MKI67: variants seen among roughly 807,000 people sequenced by gnomAD.
MKI67 encodes the protein proliferation marker protein Ki-67.
In MKI67, 152 loss-of-function variants were observed where a neutral mutation model predicts 233.5. The ratio of observed to expected loss-of-function variants is 0.65; its 90% confidence interval spans 0.57 to 0.74. The LOEUF (loss-of-function observed/expected upper bound fraction) is 0.74, where lower values mean the gene tolerates loss of function less well. MKI67 is among the 30% of genes least tolerant of loss of function. The pLI is 0.00. For missense variants in MKI67, 3,940 were observed against 3,885.2 expected (o/e 1.01, Z -0.37); for synonymous variants, 1,465 against 1,418.5 (o/e 1.03, Z -0.74).
chr10:128,105,912 G>T lies in MKI67; in HGVS notation c.5928C>A (p.Ile1976=). 6.2e-7 allele frequency: 1 copy of T among 1,612,582 alleles called. No individual in the cohort carries two copies. The highest frequency in any genetic ancestry group is 1.7e-5 in the Admixed American group (1 of 59,894). ...GTGGAGATTTGCAGGATACTTCTGT[G>T]ATTTTGTCATCGGTCATTGATTCCT... ...HTEESMTDDK[I]TEVSCKSPQP... Residue 1976 remains isoleucine (I), a synonymous_variant, in exon 13 of 15, where the codon ATC becomes ATA. Coordinates refer to ENST00000368654, the MANE Select transcript of MKI67 (RefSeq NM_002417.5).
rs747418612 is a variant in MKI67, at chr10:128,102,682, C to T, written c.9158G>A (p.Arg3053Lys). Residue 3053 changes from arginine (R) to lysine (K), a missense_variant, in exon 13 of 15, where the codon AGG (arginine) becomes AAG (lysine). Coordinates refer to ENST00000368654, the MANE Select transcript of MKI67 (RefSeq NM_002417.5). The stretch of plus-strand genomic sequence containing the variant: ...AGGTTCAATTCTTTTTGCAGAAGTC[C>T]TCAAACTTCTCTTCATGATGACCAC... Reference protein sequence around the residue: ...EPVVIMKRSLRTSAKRIEPAE... With the variant: ...EPVVIMKRSLKTSAKRIEPAE... 1.9e-6 allele frequency: 3 copies of T among 1,614,196 alleles called. No individual in the cohort carries two copies. Among genetic ancestry groups the T allele is most frequent in the Non-Finnish European group, 1.7e-6 (2 of 1,180,044 alleles).
In MKI67 at chr10:128,105,044, T is replaced by C. The variant is rs750789642; in HGVS notation, c.6796A>G (p.Met2266Val). ...CCTCCTGCTGGTTTGGGTGTGTCCA[T>C]AGCTTTCCCTACTGATGGTGTTCGT... ...RKRTPSVGKA[M>V]DTPKPAGGDE... The change falls in exon 13 of 15, where the codon ATG becomes GTG. Residue 2266 changes from methionine (M) to valine (V), a missense_variant. Coordinates refer to ENST00000368654, the MANE Select transcript of MKI67 (RefSeq NM_002417.5). The C allele has an allele frequency of 2.5e-6, 4 of 1,613,672 alleles. No individual in the cohort carries two copies. In the African/African-American group the frequency reaches 4.0e-5, roughly 16 times the overall value.
rs1331706611 is a variant in MKI67 at position 128,108,150 on chromosome 10, G to C, written c.3690C>G (p.Leu1230=). The part of the protein sequence containing the change: ...ALEDLAGFKE[L]FQTPGHTEEL... ...CCTCGGTGTGACCAGGAGTCTGGAA[G>C]AGCTCTTTAAAGCCAGCCAGGTCTT... Residue 1230 remains leucine (L), a synonymous_variant, in exon 13 of 15, where the codon CTC becomes CTG. Coordinates refer to ENST00000368654, the MANE Select transcript of MKI67 (RefSeq NM_002417.5). The C allele has an allele frequency of 1.2e-6, 2 of 1,613,488 alleles. No homozygotes were observed. The highest frequency in any genetic ancestry group is 3.3e-5 in the Admixed American group (2 of 59,950).
chr10:128,097,097 C>G lies in MKI67; in HGVS notation c.*2093G>C, dbSNP rs1050793. 0.32 allele frequency: 48,652 copies of G among 151,948 alleles called. 8,031 individuals carry two copies. The highest frequency in any genetic ancestry group is 0.43 in the East Asian group (2,206 of 5,154). 9.4% of individuals were successfully genotyped at this position (151,948 alleles called of 1,614,324 possible). On this transcript the variant is annotated 3_prime_UTR_variant, in exon 15 of 15. Coordinates refer to ENST00000368654, the MANE Select transcript of MKI67 (RefSeq NM_002417.5). ...CCAAGAGAGGCTGGGGGACCAGATC[C>G]CACAGGCCCTGGGAGGCGAAAAAGT...
Position 128,104,326 on chromosome 10 carries a change from G to A in MKI67, c.7514C>T (p.Ser2505Leu). 1 of 1,614,184 alleles carries A rather than the reference G, an allele frequency of 6.2e-7. No individual in the cohort carries two copies. Among genetic ancestry groups the A allele is most frequent in the Non-Finnish European group, 8.5e-7 (1 of 1,180,038 alleles). Residue 2505 changes from serine (S) to leucine (L), a missense_variant, in exon 13 of 15, where the codon TCA becomes TTA. Coordinates refer to ENST00000368654, the MANE Select transcript of MKI67 (RefSeq NM_002417.5). ...TGTGTGTGTTTGCGTAGTCTCCCCT[G>A]ATGTCCGTGTGAGCTTGCTGACTGC... ...PLAVSKLTRT[S>L]GETTQTHTEP...
Position 128,110,664 on chromosome 10 carries a change from G to A in MKI67, c.2261-131C>T, listed in dbSNP as rs549095146. The A allele has an allele frequency of 5.1e-6, 3 of 583,238 alleles. No homozygotes were observed. The East Asian group carries it at 8.2e-5, about 16-fold the overall frequency. The allele number at this position is 583,238 out of a possible 1,614,324, so 36.1% of individuals were successfully genotyped here. A position where few individuals can be genotyped will look rare whatever the true frequency, so the allele number is the denominator to read the frequency against. On this transcript the variant is annotated intron_variant, in intron 11 of 14. Coordinates refer to ENST00000368654, the MANE Select transcript of MKI67 (RefSeq NM_002417.5). ...TCCTCCCTTGAAATCCTGGTACATA[G>A]GCCTCATAAAAAGAGTGATTCCATT...
At position 128,099,238 on chromosome 10, in the gene MKI67, A is replaced by T; in HGVS notation, c.9723T>A (p.Cys3241Ter). Residue 3241 changes from cysteine to a stop codon, truncating the protein, a stop_gained, in exon 15 of 15, where the codon TGT becomes TGA. Transcript: ENST00000368654. LOFTEE classifies it high-confidence loss of function. ...ENPKKAEDNV[C>*]VKKIRTRSHR... ...GACTTCTGGTTCTTATTTTCTTGAC[A>T]CACACATTGTCCTCAGCCTGTGTGG... 1 of 1,613,408 alleles carries T rather than the reference A, an allele frequency of 6.2e-7. No individual in the cohort carries two copies. Among genetic ancestry groups the T allele is most frequent in the Non-Finnish European group, 8.5e-7 (1 of 1,179,748 alleles).
intron 14 of MKI67, 122 bp downstream of exon 14, chr10:128,101,136 T>C (rs555767497): frequency 2.3e-6 from 2 of 881,468 alleles, no homozygotes; most frequent in Admixed American, 5.3e-5. Flanking sequence ...TCCATTAATG[T>C]AACTGGGAGC....
At chr10:128,121,236 C>A (rs1852929489) in intron 4 of MKI67, among the ~76,000 whole-genome samples, 2 of 150,862 alleles carry the variant, frequency 1.3e-5, no homozygotes, top group Non-Finnish European at 2.9e-5. Context: ...ATCAATCAAT[C>A]CTCAGTAGGT....
At position 128,122,894 on chromosome 10, in the gene MKI67, C is replaced by G; in HGVS notation, c.274G>C (p.Asp92His). Reference sequence around the variant, plus strand: ...GCTTTTACCTACCTGAAGGAACGATCAATAATAGTTATTACATCTCCATGT... The same window carrying G: ...GCTTTTACCTACCTGAAGGAACGATGAATAATAGTTATTACATCTCCATGT... ...LKHGDVITII[D>H]RSFRYENESL... Residue 92 changes from aspartate (D) to histidine (H), a missense_variant, in exon 4 of 15, where the codon GAT becomes CAT. Coordinates refer to ENST00000368654, the MANE Select transcript of MKI67 (RefSeq NM_002417.5). 1 of 1,562,880 alleles carries G rather than the reference C, an allele frequency of 6.4e-7. No individual in the cohort carries two copies. The highest frequency in any genetic ancestry group is 1.4e-5 in the African/African-American group (1 of 73,588).
chr10:128,114,725 T>C (rs1852758817), intron 7 of MKI67, among the ~76,000 whole-genome samples: 1 of 152,180 alleles, frequency 6.6e-6, no homozygotes, highest in Admixed American at 6.5e-5. Context: ...TTCCATCTCT[T>C]CTGTCATTCC....
At position 128,101,802 on chromosome 10, in the gene MKI67, C is replaced by G. The variant is rs1437239716; in HGVS notation, c.9262-101G>C. ...TCAACAGTAACCTAAAAGGAGAAATCATTTGAAAATCACACACTGATGAAT... is the reference window on the plus strand; with the variant it reads ...TCAACAGTAACCTAAAAGGAGAAATGATTTGAAAATCACACACTGATGAAT... On this transcript the variant is annotated intron_variant, in intron 13 of 14. Coordinates refer to ENST00000368654, the MANE Select transcript of MKI67 (RefSeq NM_002417.5). 1.7e-5 allele frequency: 16 copies of G among 918,362 alleles called. No individual in the cohort carries two copies. The East Asian group carries it at 4.1e-4, about 24-fold the overall frequency. 56.9% of individuals were successfully genotyped at this position (918,362 alleles called of 1,614,324 possible).
rs1330250614 is a variant in MKI67, at chr10:128,107,130, G to T, written c.4710C>A (p.Gly1570=). ...QKLDLTENLT[G]SKRRLQTPKE... is the part of the protein sequence containing the mutation. Reference sequence around the variant, plus strand: ...TAGGAGTTTGTAGCCGTCTCTTGCTGCCAGTTAAGTTCTCTGTCAGGTCCA... The same window carrying T: ...TAGGAGTTTGTAGCCGTCTCTTGCTTCCAGTTAAGTTCTCTGTCAGGTCCA... Residue 1570 remains glycine, a synonymous_variant, in exon 13 of 15, where the codon GGC becomes GGA. Coordinates refer to ENST00000368654, the MANE Select transcript of MKI67 (RefSeq NM_002417.5). The T allele has an allele frequency of 5.6e-6, 9 of 1,613,640 alleles. No individual in the cohort carries two copies. The highest frequency in any genetic ancestry group is 7.6e-6 in the Non-Finnish European group (9 of 1,179,924).
chr10:128,106,053 G>A lies in MKI67; in HGVS notation c.5787C>T (p.Asp1929=), dbSNP rs200682887. The change falls in exon 13 of 15, where the codon GAC becomes GAT. Residue 1929 remains aspartate (D), a synonymous_variant. Coordinates refer to ENST00000368654, the MANE Select transcript of MKI67 (RefSeq NM_002417.5). ...TGCTGCCAGGTAAATTTCCTAGCAG[G>A]TCCAGTTTCTCCACTGGAGTCCCCA... ...TFVGTPVEKL[D]LLGNLPGSKR... 19 of 1,614,040 alleles carry A rather than the reference G, an allele frequency of 1.2e-5. No individual in the cohort carries two copies. The East Asian group carries it at 4.2e-4, about 36-fold the overall frequency.
At chr10:128,121,376 T>A (rs1405199588) in intron 4 of MKI67, among the ~76,000 whole-genome samples, 1 of 143,876 alleles carries the variant, frequency 7.0e-6, no homozygotes, top group Non-Finnish European at 1.5e-5. Context: ...ATATTATATA[T>A]TATATAATAT....
chr10:128,116,198 A>G (rs1456790371), intron 6 of MKI67, among the ~76,000 whole-genome samples, 191 bp from the exon 7 acceptor site: 1 of 152,268 alleles, frequency 6.6e-6, no homozygotes, highest in Non-Finnish European at 1.5e-5. Flanking sequence ...TATAAATCAT[A>G]TCAGCTCCAA....
chr10:128,115,550 C>T lies in MKI67; in HGVS notation c.858G>A (p.Leu286=). The part of the protein sequence containing the change: ...SADGLQGETQ[L]LVSRKSRPKS... ...TTGGTCTTGACTTACGCGAGACCAA[C>T]AGTTGGGTCTCCCCCTGTAAACCAT... Residue 286 remains leucine, a synonymous_variant, in exon 7 of 15, where the codon CTG becomes CTA. Coordinates refer to ENST00000368654, the MANE Select transcript of MKI67 (RefSeq NM_002417.5). The T allele has an allele frequency of 6.2e-7, 1 of 1,614,252 alleles. No individual in the cohort carries two copies.
chr10:128,113,675 G>A, intron 7 of MKI67, 73 bp from the exon 8 acceptor site: 24 of 1,397,846 alleles, frequency 1.7e-5, no homozygotes, highest in Non-Finnish European at 1.9e-5. Context: ...TTTCACGTTA[G>A]CATTAAAGAC....
intron 9 of MKI67, 31 bp from the exon 10 acceptor site, chr10:128,112,076 A>G: frequency 6.2e-7 from 1 of 1,605,914 alleles, no homozygotes; most frequent in Admixed American, 1.7e-5. Flanking sequence ...AACTTTTCAA[A>G]AATTAGCATT....
Sources: allele counts gnomAD v4.1 joint callset (sites outside exome capture counted in the v4.1 genomes callset), GRCh38; gene constraint gnomAD v4.1.1; transcripts MANE v1.5; gene names NCBI Gene and HGNC (gene_info 2026-07-23, HGNC 2026-07-21).